Variants in HESX1 observed in about 807,000 individuals in gnomAD.
HESX1 encodes the protein homeobox expressed in ES cells 1.
Under a neutral mutation model 22.5 loss-of-function variants are expected in HESX1, and 11 were observed. The ratio of observed to expected loss-of-function variants is 0.49; its 90% CI spans 0.31 to 0.81. The LOEUF (loss-of-function observed/expected upper bound fraction) is 0.81. HESX1 is among the 30% of genes least tolerant of loss of function. HESX1 has a pLI of 0.05. For synonymous variants in HESX1, 74 were observed against 76.5 expected (o/e 0.97, Z 0.17); for missense variants, 201 against 212.6 (o/e 0.95, Z 0.34).
intron 1 of HESX1, among the ~76,000 whole-genome samples, chr3:57,219,196 G>C (rs531591146): frequency 6.6e-5 from 10 of 152,078 alleles, no homozygotes; most frequent in Non-Finnish European, 1.2e-4. Context: ...TTGGTTTTCT[G>C]TTCCTGCATT....
At chr3:57,205,654 G>A (rs978494194) in intron 1 of HESX1, among the ~76,000 whole-genome samples, 8 of 152,060 alleles carry the variant, frequency 5.3e-5, no homozygotes, top group Admixed American at 3.3e-4. Flanking sequence ...AATCCCCACA[G>A]CTTACCCATT....
chr3:57,226,971 G>C (rs1345702890), upstream of HESX1, among the ~76,000 whole-genome samples: 1 of 152,216 alleles, frequency 6.6e-6, no homozygotes, highest in African/African-American at 2.4e-5. Context: ...TGTAAAATTA[G>C]AGGCTAAAAC....
chr3:57,207,611 T>A (rs1277273363), intron 1 of HESX1, among the ~76,000 whole-genome samples: 1 of 152,184 alleles, frequency 6.6e-6, no homozygotes, highest in Non-Finnish European at 1.5e-5. Flanking sequence ...AGCAGTCAAG[T>A]CTATACCATA....
At chr3:57,227,007 A>C (rs144427067), upstream of HESX1, among the ~76,000 whole-genome samples, 195 of 152,340 alleles carry the variant, frequency 1.3e-3, 1 homozygote, top group African/African-American at 4.5e-3. Context: ...AAACTTTTTG[A>C]TTCAACAAAT....
At chr3:57,207,793 A>C (rs943642048) in intron 1 of HESX1, among the ~76,000 whole-genome samples, 8 of 152,258 alleles carry the variant, frequency 5.3e-5, no homozygotes, top group Admixed American at 1.3e-4. Context: ...AATGGAATTC[A>C]TAAAATAAAA....
intron 1 of HESX1, among the ~76,000 whole-genome samples, chr3:57,212,988 G>C (rs1383804388): frequency 1.3e-5 from 2 of 151,872 alleles, no homozygotes; most frequent in Non-Finnish European, 2.9e-5. Flanking sequence ...TCCCCACCCT[G>C]GCACACATGC....
rs147566905 is a variant in HESX1, at chr3:57,212,356, C to T, written c.-110-12328G>A. ...TGGGTGGATCACGAGGTCAAGAGAT[C>T]GAGACCATCCTGGCCAACGTGGTGA... On this transcript the variant is annotated intron_variant, in intron 1 of 2. Coordinates refer to the HESX1 transcript ENST00000495160. Among the ~76,000 whole-genome samples the T allele has an allele frequency of 2.7e-3, 412 of 151,978 alleles. 1 individual carries two copies. Among genetic ancestry groups the T allele is most frequent in the African/African-American group, 9.5e-3 (394 of 41,450 alleles).
intron 1 of HESX1, among the ~76,000 whole-genome samples, chr3:57,222,176 T>A: frequency 6.6e-6 from 1 of 152,258 alleles, no homozygotes; most frequent in East Asian, 1.9e-4. Context: ...TAATCAATTC[T>A]GCTACTCTGT....
chr3:57,224,230 C>A (rs908119970), intron 1 of HESX1, among the ~76,000 whole-genome samples: 1 of 152,102 alleles, frequency 6.6e-6, no homozygotes, highest in African/African-American at 2.4e-5. Flanking sequence ...GTGATCCACC[C>A]GCCTCGGCCT....
upstream of HESX1, among the ~76,000 whole-genome samples, chr3:57,227,375 C>A (rs1232919048): frequency 6.6e-6 from 1 of 152,220 alleles, no homozygotes; most frequent in Non-Finnish European, 1.5e-5. Context: ...TCTGAGGAAA[C>A]TAAAAGGCGC....
In HESX1 at chr3:57,197,917, T is replaced by A. The variant is rs1008166645; in HGVS notation, c.*280A>T. Reference sequence around the variant, plus strand: ...TGGAATCACTTAGTCATGAGTCTATTGATTTTAACAAACTAATTTATTAGA... The same window carrying A: ...TGGAATCACTTAGTCATGAGTCTATAGATTTTAACAAACTAATTTATTAGA... On this transcript the variant is annotated 3_prime_UTR_variant, in exon 4 of 4. Transcript: ENST00000295934. 3.8e-6 allele frequency: 1 copy of A among 260,436 alleles called. No homozygotes were observed. The highest frequency in any genetic ancestry group is 2.2e-5 in the African/African-American group (1 of 44,610). 16.1% of individuals were successfully genotyped at this position (260,436 alleles called of 1,614,324 possible).
upstream of HESX1, among the ~76,000 whole-genome samples, chr3:57,226,943 C>T (rs1452850371): frequency 6.6e-6 from 1 of 152,232 alleles, no homozygotes; most frequent in Non-Finnish European, 1.5e-5. Context: ...AAATTCCCAA[C>T]TTTGAGCTTC....
rs2060458039 is a variant in HESX1, at chr3:57,198,049, A to G, written c.*148T>C. 3 of 656,990 alleles carry G rather than the reference A, an allele frequency of 4.6e-6. No homozygotes were observed. The highest frequency in any genetic ancestry group is 8.2e-6 in the Non-Finnish European group (3 of 366,978). 40.7% of individuals were successfully genotyped at this position (656,990 alleles called of 1,614,324 possible). A position where few individuals can be genotyped will look rare whatever the true frequency, so the allele number is the denominator to read the frequency against. On this transcript the variant is annotated 3_prime_UTR_variant, in exon 4 of 4. Coordinates refer to ENST00000295934, the MANE Select transcript of HESX1 (RefSeq NM_003865.3). ...AAAGTGCCCAAATATGTACCATGCTATAATAGTATTTACAATATATTTTCA... is the reference window on the plus strand; with the variant it reads ...AAAGTGCCCAAATATGTACCATGCTGTAATAGTATTTACAATATATTTTCA...
Position 57,199,753 on chromosome 3 carries a change from G to C in HESX1, c.157+9C>G. 1.2e-6 allele frequency: 2 copies of C among 1,613,582 alleles called. No individual in the cohort carries two copies. Among genetic ancestry groups the C allele is most frequent in the Non-Finnish European group, 1.7e-6 (2 of 1,179,498 alleles). On this transcript the variant is annotated intron_variant, in intron 1 of 3. Coordinates refer to ENST00000295934, the MANE Select transcript of HESX1 (RefSeq NM_003865.3). ...AACAAAGAATTGAAACAATTAAGCTGTGGCATACCTGATGAGCTGCAGGTG... is the reference window on the plus strand; with the variant it reads ...AACAAAGAATTGAAACAATTAAGCTCTGGCATACCTGATGAGCTGCAGGTG...
upstream of HESX1, chr3:57,226,618 C>A (rs2060647143): frequency 6.6e-6 from 1 of 151,992 alleles, no homozygotes; most frequent in African/African-American, 2.4e-5. Context: ...CTACTATTTT[C>A]GTTTAAAATA....
intron 1 of HESX1, among the ~76,000 whole-genome samples, chr3:57,215,273 C>T (rs541812524): frequency 1.8e-4 from 27 of 152,082 alleles, no homozygotes; most frequent in Non-Finnish European, 3.5e-4. Context: ...AGGCAGCTAT[C>T]ATGGTTACCA....
intron 1 of HESX1, among the ~76,000 whole-genome samples, chr3:57,226,001 G>A (rs1000552180): frequency 2.0e-5 from 3 of 149,762 alleles, no homozygotes; most frequent in African/African-American, 7.4e-5. Context: ...TGCCTCAGCC[G>A]CCTGAGTAGC....
chr3:57,220,506 C>T (rs895569266), intron 1 of HESX1, among the ~76,000 whole-genome samples: 3 of 152,020 alleles, frequency 2.0e-5, no homozygotes, highest in African/African-American at 7.2e-5. Flanking sequence ...CTTGGCTCAC[C>T]GCAACCTCTG....
upstream of HESX1, among the ~76,000 whole-genome samples, chr3:57,203,754 C>T (rs933949596): frequency 6.6e-6 from 1 of 152,100 alleles, no homozygotes; most frequent in African/African-American, 2.4e-5. Flanking sequence ...GGGTTTTCAC[C>T]ATGTTGGTCA....
Sources: allele counts gnomAD v4.1 joint callset (sites outside exome capture counted in the v4.1 genomes callset), GRCh38; gene constraint gnomAD v4.1.1; transcripts MANE v1.5; gene names NCBI Gene and HGNC (gene_info 2026-07-23, HGNC 2026-07-21).